Variants in STK40 observed in about 807,000 individuals in gnomAD.
STK40 encodes the protein serine/threonine-protein kinase 40.
A neutral mutation model predicts 47.9 loss-of-function variants in STK40; 13 were observed. The observed-to-expected ratio is 0.27, with a 90% CI of 0.18 to 0.43. STK40 has a LOEUF of 0.43. Among genes scored for constraint, STK40 ranks in the 20% least tolerant of loss-of-function variants. The pLI is 1.00. For missense variants in STK40, 460 were observed against 595.1 expected (o/e 0.77, Z 2.36); for synonymous variants, 225 against 243.2 (o/e 0.93, Z 0.69).
At chr1:36,348,048 T>C (rs1037044453) in intron 7 of STK40, among the ~76,000 whole-genome samples, 5 of 152,244 alleles carry the variant, frequency 3.3e-5, no homozygotes, top group Non-Finnish European at 7.3e-5. Flanking sequence ...CCCTGTTGTC[T>C]CCAAAGTGTC....
chr1:36,359,060 G>A (rs1570449311), intron 2 of STK40, among the ~76,000 whole-genome samples: 1 of 152,252 alleles, frequency 6.6e-6, no homozygotes, highest in Non-Finnish European at 1.5e-5. Flanking sequence ...TTCCCAAAGA[G>A]AGGTTTTCAA....
intron 1 of STK40, among the ~76,000 whole-genome samples, chr1:36,385,150 G>C (rs987141327): frequency 1.6e-4 from 25 of 152,218 alleles, no homozygotes; most frequent in African/African-American, 6.0e-4. Flanking sequence ...GGCTCGGCAG[G>C]TGAAACACTG....
chr1:36,371,414 C>T (rs1244802623), intron 1 of STK40, among the ~76,000 whole-genome samples: 2 of 150,776 alleles, frequency 1.3e-5, no homozygotes, highest in Non-Finnish European at 3.0e-5. Flanking sequence ...ATTAGCCGGG[C>T]GTGCTGGTGG....
Position 36,341,845 on chromosome 1 carries a change from G to A in STK40, c.1218C>T (p.Ser406=), listed in dbSNP as rs201445970. The change falls in exon 11 of 11, where the codon AGC becomes AGT. Residue 406 remains serine (S), a synonymous_variant. Coordinates refer to ENST00000373132, the MANE Select transcript of STK40 (RefSeq NM_001282547.2). ...GGCCCAGCCGTCGCACCGGTGGTGC[G>A]CTGCCGAACTGCCGCTTGGGTACCC... The part of the protein sequence containing the change: ...RSWVPKRQFG[S]APPVRRLGHD... 152 of 1,613,730 alleles carry A rather than the reference G, an allele frequency of 9.4e-5. No homozygotes were observed. The highest frequency in any genetic ancestry group is 1.7e-4 in the Middle Eastern group (1 of 5,834).
At position 36,341,649 on chromosome 1, in the gene STK40, T is replaced by C. The variant is rs1247302808; in HGVS notation, c.*106A>G. On this transcript the variant is annotated 3_prime_UTR_variant, in exon 11 of 11. Coordinates refer to ENST00000373132, the MANE Select transcript of STK40 (RefSeq NM_001282547.2). Reference sequence around the variant, plus strand: ...TGTCCCTGTCCCTGCCCTGTCCCTATTGTGGCCCGGGAGAGTCCAGCACTA... The same window carrying C: ...TGTCCCTGTCCCTGCCCTGTCCCTACTGTGGCCCGGGAGAGTCCAGCACTA... 10 of 1,385,932 alleles carry C rather than the reference T, an allele frequency of 7.2e-6. No individual in the cohort carries two copies. Among genetic ancestry groups the C allele is most frequent in the Non-Finnish European group, 9.9e-6 (10 of 1,005,468 alleles). 85.9% of individuals were successfully genotyped at this position (1,385,932 alleles called of 1,614,324 possible).
chr1:36,341,799 A>T lies in STK40; in HGVS notation c.1264T>A (p.Ser422Thr). Residue 422 changes from serine (S) to threonine (T), a missense_variant, in exon 11 of 11, where the codon TCC becomes ACC. Transcript: ENST00000373132. ...TGCGCCAGGATGGCCGTGTCCAAGG[A>T]GGTCATGGGCTGTGCGTCGTGGCCC... ...RLGHDAQPMT[S>T]LDTAILAQRY... is the part of the protein sequence containing the mutation. 1 of 1,612,924 alleles carries T rather than the reference A, an allele frequency of 6.2e-7. No homozygotes were observed. Among genetic ancestry groups the T allele is most frequent in the Non-Finnish European group, 8.5e-7 (1 of 1,179,892 alleles).
At chr1:36,371,335 A>G (rs1289874429) in intron 1 of STK40, among the ~76,000 whole-genome samples, 3 of 150,720 alleles carry the variant, frequency 2.0e-5, no homozygotes, top group Non-Finnish European at 4.5e-5. Context: ...CGGGTGGATC[A>G]TGAGGTCAGG....
chr1:36,364,729 C>T (rs1021145224), intron 1 of STK40, among the ~76,000 whole-genome samples: 3 of 151,640 alleles, frequency 2.0e-5, no homozygotes, highest in South Asian at 2.1e-4. Flanking sequence ...GAGGCTGAGG[C>T]GGGAGGATTG....
intron 1 of STK40, chr1:36,367,751 A>T (rs919943920): frequency 2.1e-6 from 2 of 942,156 alleles, no homozygotes; most frequent in Non-Finnish European, 2.5e-6. Context: ...ACTACAAAGG[A>T]GCTGAAGCCT....
chr1:36,380,544 G>A (rs1280743086), intron 1 of STK40, among the ~76,000 whole-genome samples: 1 of 152,160 alleles, frequency 6.6e-6, no homozygotes, highest in Non-Finnish European at 1.5e-5. Flanking sequence ...CCAATTTCCA[G>A]ACCTCTCTCT....
At chr1:36,352,533 C>T (rs888836121) in intron 6 of STK40, among the ~76,000 whole-genome samples, 2 of 152,162 alleles carry the variant, frequency 1.3e-5, no homozygotes, top group Non-Finnish European at 1.5e-5. Context: ...GGAAGTGAGC[C>T]AGGTCTGACC....
At chr1:36,369,382 C>A (rs1361211010) in intron 1 of STK40, among the ~76,000 whole-genome samples, 2 of 152,274 alleles carry the variant, frequency 1.3e-5, no homozygotes, top group African/African-American at 4.8e-5. Flanking sequence ...CGTCTCTCTG[C>A]CTGCTGTGGA....
intron 2 of STK40, among the ~76,000 whole-genome samples, chr1:36,359,976 A>G (rs1191667677): frequency 6.6e-6 from 1 of 151,574 alleles, no homozygotes; most frequent in Non-Finnish European, 1.5e-5. Flanking sequence ...GTCAGCTCAT[A>G]TGGTGTTTCC....
Position 36,354,348 on chromosome 1 carries a change from G to C in STK40, c.623+16C>G. The C allele has an allele frequency of 6.2e-7, 1 of 1,613,854 alleles. No individual in the cohort carries two copies. The highest frequency in any genetic ancestry group is 8.5e-7 in the Non-Finnish European group (1 of 1,179,804). ...GCCCCGGGGTAACTGTATGGATGTAGAGACAGGGATCTTACCTCTTGTTGA... is the reference window on the plus strand; with the variant it reads ...GCCCCGGGGTAACTGTATGGATGTACAGACAGGGATCTTACCTCTTGTTGA... On this transcript the variant is annotated intron_variant, in intron 6 of 10. Transcript: ENST00000373132.
At chr1:36,375,155 C>T (rs1025281973) in intron 1 of STK40, among the ~76,000 whole-genome samples, 11 of 152,160 alleles carry the variant, frequency 7.2e-5, no homozygotes, top group African/African-American at 2.7e-4. Flanking sequence ...AAAAAGGGTT[C>T]CCTTCAGGAT....
chr1:36,384,346 G>C (rs1192366074), intron 1 of STK40, among the ~76,000 whole-genome samples: 3 of 152,148 alleles, frequency 2.0e-5, no homozygotes, highest in Admixed American at 2.0e-4. Context: ...AGCTTCTTTA[G>C]ACCACATTTC....
intron 1 of STK40, among the ~76,000 whole-genome samples, chr1:36,363,522 A>C (rs965733285): frequency 2.6e-5 from 4 of 152,094 alleles, no homozygotes; most frequent in African/African-American, 9.7e-5. Flanking sequence ...TTTAAAAAGA[A>C]TTAGCCGGGC....
intron 6 of STK40, among the ~76,000 whole-genome samples, chr1:36,349,254 TCCACCTTGGAA>T (rs1461323842): frequency 2.6e-5 from 4 of 152,170 alleles, no homozygotes; most frequent in Non-Finnish European, 5.9e-5. Flanking sequence ...GGTGAGTGAC[TCCACCTTGGAA>T]GGTGACCCAA....
intron 10 of STK40, chr1:36,343,039 ACT>A: frequency 1.7e-6 from 1 of 601,458 alleles, no homozygotes; most frequent in Non-Finnish European, 3.0e-6. Flanking sequence ...GTGAGAGAGA[ACT>A]CTGAGTCAGG....
Sources: gnomAD v4.1 joint callset for allele counts (sites outside exome capture counted in the v4.1 genomes callset) on GRCh38, gnomAD v4.1.1 for gene constraint, MANE v1.5 for transcripts, NCBI Gene and HGNC (gene_info 2026-07-23, HGNC 2026-07-21) for gene names.